The following PTPRM variants were observed in gnomAD, a reference collection of about 807,000 sequenced individuals.
PTPRM encodes the protein receptor-type tyrosine-protein phosphatase mu.
PTPRM carries 47 observed loss-of-function variants against 186.7 expected under a neutral mutation model. The observed-to-expected ratio is 0.25, with a 90% CI of 0.20 to 0.32. PTPRM has a LOEUF of 0.32. Ranked by LOEUF, PTPRM falls within the 10% of genes least tolerant of loss-of-function variation. PTPRM has a pLI of 1.00. For synonymous variants in PTPRM, 668 were observed against 674.9 expected (o/e 0.99, Z 0.16); for missense variants, 1,494 against 1,865.0 (o/e 0.80, Z 3.66).
intron 14 of PTPRM, among the ~76,000 whole-genome samples, chr18:8,171,744 C>T (rs2093404212): frequency 6.6e-6 from 1 of 152,054 alleles, no homozygotes. Context: ...ACAGATGCTC[C>T]TGGACTTTTG....
intron 1 of PTPRM, among the ~76,000 whole-genome samples, chr18:7,619,302 C>G (rs995577366): frequency 6.6e-6 from 1 of 152,162 alleles, no homozygotes. Context: ...CCTCCTTGAG[C>G]TTGGCACCAG....
intron 2 of PTPRM, among the ~76,000 whole-genome samples, chr18:7,793,951 G>A (rs1416756130): frequency 6.6e-6 from 1 of 152,180 alleles, no homozygotes; most frequent in African/African-American, 2.4e-5. Context: ...CGGCAGAAGA[G>A]CACACCACCA....
intron 1 of PTPRM, among the ~76,000 whole-genome samples, chr18:7,736,231 G>C (rs1179897189): frequency 6.6e-6 from 1 of 152,186 alleles, no homozygotes; most frequent in Non-Finnish European, 1.5e-5. Context: ...GGTCACAACT[G>C]CTTAGCTCCA....
chr18:7,781,253 C>T (rs1190664394), intron 2 of PTPRM, among the ~76,000 whole-genome samples: 1 of 151,624 alleles, frequency 6.6e-6, no homozygotes, highest in African/African-American at 2.4e-5. Context: ...TTAAAAAGCC[C>T]CAAGCTGAAA....
At chr18:7,635,252 G>A (rs145383537) in intron 1 of PTPRM, among the ~76,000 whole-genome samples, 88 of 152,238 alleles carry the variant, frequency 5.8e-4, no homozygotes, top group African/African-American at 2.0e-3. Context: ...TTAAAGCAAC[G>A]TGTATTTTAT....
chr18:7,765,648 T>G (rs1158581983), intron 1 of PTPRM, among the ~76,000 whole-genome samples: 2 of 152,204 alleles, frequency 1.3e-5, no homozygotes, highest in Non-Finnish European at 2.9e-5. Flanking sequence ...AGTTTTAAAT[T>G]TGAGATAAAT....
At chr18:7,758,129 A>T (rs1345055537) in intron 1 of PTPRM, among the ~76,000 whole-genome samples, 1 of 152,202 alleles carries the variant, frequency 6.6e-6, no homozygotes, top group Non-Finnish European at 1.5e-5. Flanking sequence ...AGTGATTCTG[A>T]TGCAGGTGGC....
At chr18:8,217,145 G>A (rs1191209994) in intron 14 of PTPRM, among the ~76,000 whole-genome samples, 1 of 152,210 alleles carries the variant, frequency 6.6e-6, no homozygotes, top group African/African-American at 2.4e-5. Context: ...ATGCTGGCTT[G>A]TCATTTTCTA....
At chr18:8,146,039 T>C (rs1420108923) in intron 14 of PTPRM, among the ~76,000 whole-genome samples, 3 of 150,964 alleles carry the variant, frequency 2.0e-5, no homozygotes, top group Non-Finnish European at 4.4e-5. Flanking sequence ...TTTTTTTTTT[T>C]TTTTGAGATG....
At chr18:7,959,103 T>C (rs1462896387) in intron 7 of PTPRM, among the ~76,000 whole-genome samples, 1 of 152,214 alleles carries the variant, frequency 6.6e-6, no homozygotes, top group African/African-American at 2.4e-5. Context: ...ATGTGTTTCA[T>C]TGTTTTGTTG....
chr18:7,673,840 C>T (rs566616632), intron 1 of PTPRM, among the ~76,000 whole-genome samples: 1 of 152,180 alleles, frequency 6.6e-6, no homozygotes, highest in South Asian at 2.1e-4. Flanking sequence ...TTGGGAACAA[C>T]AGGACTGAGG....
At chr18:8,143,889 ATCTGTGAC>A in intron 14 of PTPRM, 110 bp downstream of exon 14, 1 of 1,327,280 alleles carries the variant, frequency 7.5e-7, no homozygotes, top group Non-Finnish European at 1.1e-6. Context: ...ACCCAGACAC[ATCTGTGAC>A]TCTGTGATTG....
chr18:7,765,951 C>A (rs2144817292), intron 1 of PTPRM, among the ~76,000 whole-genome samples: 1 of 152,256 alleles, frequency 6.6e-6, no homozygotes, highest in Non-Finnish European at 1.5e-5. Flanking sequence ...TCAATTTAAC[C>A]TGTTAAAGGC....
intron 1 of PTPRM, among the ~76,000 whole-genome samples, chr18:7,579,439 G>A (rs2036785743): frequency 6.6e-6 from 1 of 152,180 alleles, no homozygotes; most frequent in Admixed American, 6.5e-5. Context: ...AAGCATCTGA[G>A]GATTACTATT....
chr18:8,341,280 T>C (rs1456865543), intron 22 of PTPRM, among the ~76,000 whole-genome samples: 1 of 152,214 alleles, frequency 6.6e-6, no homozygotes, highest in African/African-American at 2.4e-5. Flanking sequence ...AACACTGTCA[T>C]AATAATATGG....
chr18:8,404,750 TAGAAG>T (rs1304774773), intron 32 of PTPRM: 1 of 152,212 alleles, frequency 6.6e-6, no homozygotes, highest in African/African-American at 2.4e-5. Context: ...GCTCCAGAAG[TAGAAG>T]AGAGCCTTCC....
chr18:8,218,258 TGA>T (rs2094113046), intron 14 of PTPRM, among the ~76,000 whole-genome samples: 1 of 152,196 alleles, frequency 6.6e-6, no homozygotes, highest in Non-Finnish European at 1.5e-5. Flanking sequence ...CTTTTAACTA[TGA>T]GAGGTAAATA....
intron 1 of PTPRM, among the ~76,000 whole-genome samples, chr18:7,688,414 A>G (rs1030449505): frequency 1.3e-5 from 2 of 152,214 alleles, no homozygotes; most frequent in Non-Finnish European, 2.9e-5. Flanking sequence ...GAAATACACA[A>G]GATGGTCCTT....
At chr18:7,898,001 C>T (rs1243129020) in intron 3 of PTPRM, among the ~76,000 whole-genome samples, 1 of 152,118 alleles carries the variant, frequency 6.6e-6, no homozygotes, top group African/African-American at 2.4e-5. Context: ...TTTTGAGTGC[C>T]TTTAGCTTTC....
Sources: gnomAD v4.1 joint callset for allele counts (sites outside exome capture counted in the v4.1 genomes callset) on GRCh38, gnomAD v4.1.1 for gene constraint, MANE v1.5 for transcripts, NCBI Gene and HGNC (gene_info 2026-07-23, HGNC 2026-07-21) for gene names.